The following RERE variants were observed in gnomAD, a reference collection of about 807,000 sequenced individuals.
The protein encoded by RERE is arginine-glutamic acid dipeptide repeats.
A neutral mutation model predicts 146.1 loss-of-function variants in RERE; 40 were observed. The observed-to-expected ratio is 0.27, with a 90% CI of 0.21 to 0.36. RERE has a LOEUF of 0.36. Among genes scored for constraint, RERE ranks in the 10% least tolerant of loss-of-function variants. RERE has a pLI of 1.00. For synonymous variants in RERE, 1,003 were observed against 866.0 expected (o/e 1.16, Z -2.78); for missense variants, 1,933 against 2,138.7 (o/e 0.90, Z 1.90).
At chr1:8,431,897 C>G (rs1273099224) in intron 11 of RERE, among the ~76,000 whole-genome samples, 2 of 152,124 alleles carry the variant, frequency 1.3e-5, no homozygotes, top group East Asian at 3.9e-4. Context: ...CTGGCGTGCT[C>G]TCTGTCCATT....
Position 8,360,441 on chromosome 1 carries a change from AG to A in RERE, c.3065del (p.Pro1022LeufsTer59). 1 of 43,206 alleles carries A rather than the reference AG, an allele frequency of 2.3e-5. No individual in the cohort carries two copies. 2.7% of individuals were successfully genotyped at this position (43,206 alleles called of 1,614,324 possible). On this transcript the variant is annotated frameshift_variant, in exon 18 of 23. Transcript: ENST00000400908. LOFTEE classifies it high-confidence loss of function. ...GGGGGGCCACCTGGTGGAGGCCTGT[AG>A]GGGGGTGGGAGGCAGGGGGCGGGGG... The part of the protein sequence containing the change: ...NLPPPPASHP[P>X]TGLHQVAPQP...
chr1:8,367,725 C>G (rs1225901244), intron 12 of RERE, among the ~76,000 whole-genome samples: 2 of 152,182 alleles, frequency 1.3e-5, no homozygotes, highest in East Asian at 3.9e-4. Context: ...ACTGGCTCCT[C>G]TCCCCCATGC....
intron 4 of RERE, among the ~76,000 whole-genome samples, chr1:8,592,734 T>C (rs1646510408): frequency 6.6e-6 from 1 of 152,138 alleles, no homozygotes; most frequent in Non-Finnish European, 1.5e-5. Context: ...AAAGTCATCT[T>C]TGCGCAGAGT....
At chr1:8,803,241 G>C (rs1365676583) in intron 1 of RERE, among the ~76,000 whole-genome samples, 1 of 152,072 alleles carries the variant, frequency 6.6e-6, no homozygotes, top group African/African-American at 2.4e-5. Flanking sequence ...ACTCTGAGAG[G>C]CCGAGGCGGG....
chr1:8,451,853 C>G (rs1461124143), intron 11 of RERE, among the ~76,000 whole-genome samples: 1 of 152,194 alleles, frequency 6.6e-6, no homozygotes, highest in African/African-American at 2.4e-5. Context: ...CCCACCTCCA[C>G]TCTTCCAATG....
At chr1:8,508,953 C>T (rs1645293549) in intron 7 of RERE, among the ~76,000 whole-genome samples, 1 of 152,036 alleles carries the variant, frequency 6.6e-6, no homozygotes, top group Non-Finnish European at 1.5e-5. Flanking sequence ...CTCACTCTGT[C>T]GCCCAGGCTG....
At chr1:8,367,274 C>T (rs1458452097) in intron 12 of RERE, among the ~76,000 whole-genome samples, 1 of 152,224 alleles carries the variant, frequency 6.6e-6, no homozygotes, top group Non-Finnish European at 1.5e-5. Context: ...CCTCAGAACA[C>T]AGTGACAAGA....
chr1:8,698,717 G>A (rs1043558844), intron 1 of RERE, among the ~76,000 whole-genome samples: 23 of 151,750 alleles, frequency 1.5e-4, no homozygotes, highest in Admixed American at 6.6e-4. Flanking sequence ...TCGCTATGTT[G>A]CCAAGGCTAG....
chr1:8,719,073 A>AG (rs1195929295), intron 1 of RERE, among the ~76,000 whole-genome samples: 6 of 152,192 alleles, frequency 3.9e-5, no homozygotes, highest in South Asian at 2.1e-4. Context: ...AGAAACAGGC[A>AG]GGGGGCAGCA....
intron 4 of RERE, among the ~76,000 whole-genome samples, chr1:8,605,566 T>C (rs1646693157): frequency 1.3e-5 from 2 of 151,866 alleles, no homozygotes; most frequent in African/African-American, 4.8e-5. Context: ...CTGGCCAATG[T>C]GGTAAAACCC....
At chr1:8,599,018 G>A (rs1646588706) in intron 4 of RERE, among the ~76,000 whole-genome samples, 1 of 152,162 alleles carries the variant, frequency 6.6e-6, no homozygotes, top group Non-Finnish European at 1.5e-5. Flanking sequence ...CAACTGACAA[G>A]CCCAGTAAGC....
chr1:8,368,611 T>C (rs1189509463), intron 12 of RERE, among the ~76,000 whole-genome samples: 1 of 152,128 alleles, frequency 6.6e-6, no homozygotes, highest in Non-Finnish European at 1.5e-5. Context: ...CCTTCAAGTC[T>C]TACCTGAAGG....
intron 1 of RERE, among the ~76,000 whole-genome samples, chr1:8,751,693 A>C (rs960833329): frequency 4.6e-5 from 7 of 152,084 alleles, no homozygotes; most frequent in African/African-American, 1.7e-4. Context: ...AACTTCATAC[A>C]GACGTCCTCA....
chr1:8,355,144 GTATT>G (rs755286837), intron 22 of RERE, 24 bp from the exon 23 acceptor site: 3 of 1,612,716 alleles, frequency 1.9e-6, no homozygotes, highest in Non-Finnish European at 1.7e-6. Flanking sequence ...ACAGGAAAGC[GTATT>G]TAGTCTCAGG....
intron 12 of RERE, among the ~76,000 whole-genome samples, chr1:8,367,988 C>T (rs970356945): frequency 1.3e-5 from 2 of 152,150 alleles, no homozygotes; most frequent in African/African-American, 4.8e-5. Flanking sequence ...GAAGAGAAAT[C>T]AAGGCAGGGA....
chr1:8,545,641 TA>T lies in RERE; in HGVS notation c.726-4324del, dbSNP rs780820679. On this transcript the variant is annotated intron_variant, in intron 6 of 22. Transcript: ENST00000400908. ...CATTATTAAGATGGAGTCTTAAGAA[TA>T]AAAAATTATTAATAATAAAAAATAA... is the stretch of plus-strand genomic sequence containing the variant. 4.1e-3 allele frequency among the ~76,000 whole-genome samples: 610 copies of T among 150,098 alleles called. 1 individual carries two copies. Among genetic ancestry groups the T allele is most frequent in the Non-Finnish European group, 7.2e-3 (487 of 67,434 alleles).
intron 1 of RERE, among the ~76,000 whole-genome samples, chr1:8,731,291 C>CGT (rs1284237235): frequency 6.6e-6 from 1 of 152,150 alleles, no homozygotes; most frequent in Admixed American, 6.6e-5. Context: ...AAAATCCCCT[C>CGT]GTATTTTAGG....
At position 8,782,796 on chromosome 1, in the gene RERE, C is replaced by T. The variant is rs532882519; in HGVS notation, c.-145+34364G>A. ...TAGCAGGCACCTGTAGTCTCAGCTA[C>T]TCAGGAGGCCGAGGCAGGAGAATCA... On this transcript the variant is annotated intron_variant, in intron 1 of 22. Coordinates refer to ENST00000400908, the MANE Select transcript of RERE (RefSeq NM_001042681.2). Among the ~76,000 whole-genome samples the T allele has an allele frequency of 7.9e-5, 12 of 152,252 alleles. No homozygotes were observed. The South Asian group carries it at 2.3e-3, about 29-fold the overall frequency.
intron 1 of RERE, among the ~76,000 whole-genome samples, chr1:8,760,334 C>G (rs1031110922): frequency 1.3e-5 from 2 of 152,134 alleles, no homozygotes; most frequent in Non-Finnish European, 2.9e-5. Flanking sequence ...GCCCCTAGGC[C>G]TGTAATAGTT....
Sources: allele counts gnomAD v4.1 joint callset (sites outside exome capture counted in the v4.1 genomes callset), GRCh38; gene constraint gnomAD v4.1.1; transcripts MANE v1.5; gene names NCBI Gene and HGNC (gene_info 2026-07-23, HGNC 2026-07-21).